Variants in MDGA2 observed in about 807,000 individuals in gnomAD.
MDGA2 encodes the protein MAM domain-containing glycosylphosphatidylinositol anchor protein 2.
A neutral mutation model predicts 117.8 loss-of-function variants in MDGA2; 40 were observed. The ratio of observed to expected loss-of-function variants is 0.34; its 90% confidence interval spans 0.26 to 0.44. The LOEUF is 0.44. Ranked by LOEUF, MDGA2 falls within the 20% of genes least tolerant of loss-of-function variation. The probability of loss-of-function intolerance (pLI) is 1.00; values close to 1 mark genes in which losing one functional copy is unlikely to be tolerated. For synonymous variants in MDGA2, 452 were observed against 439.0 expected, an observed-to-expected ratio of 1.03 and a Z score of -0.37; for missense variants, 1,123 against 1,250.6, an observed-to-expected ratio of 0.90 and a Z score of 1.54.
At chr14:47,213,686 T>C (rs1885969136) in intron 3 of MDGA2, among the ~76,000 whole-genome samples, 1 of 152,204 alleles carries the variant, frequency 6.6e-6, no homozygotes, top group Non-Finnish European at 1.5e-5. Context: ...GTAAGAGCTA[T>C]TTTATATTCT....
rs560702455 is a variant in MDGA2, at chr14:47,118,984, T to C, written c.925+12730A>G. Among the ~76,000 whole-genome samples, 19 of 151,952 alleles carry C rather than the reference T, an allele frequency of 1.3e-4. No individual in the cohort carries two copies. In the South Asian group the frequency reaches 4.0e-3, roughly 32 times the overall value. ...AACTCCCAGCCTTGAGCAATCCTCC[T>C]GCCTCTGCCTCCCAAAGCAGAGACT... On this transcript the variant is annotated intron_variant, in intron 5 of 16. Transcript: ENST00000399232.
intron 5 of MDGA2, among the ~76,000 whole-genome samples, chr14:47,112,243 G>A (rs535899339): frequency 6.6e-6 from 1 of 152,154 alleles, no homozygotes; most frequent in South Asian, 2.1e-4. Context: ...TTTAAAAAAT[G>A]TGTTATTTTA....
At chr14:47,283,599 A>T (rs1888573180) in intron 2 of MDGA2, among the ~76,000 whole-genome samples, 1 of 152,196 alleles carries the variant, frequency 6.6e-6, no homozygotes, top group Non-Finnish European at 1.5e-5. Context: ...CAAAGAGAGA[A>T]ACAATTATGC....
intron 8 of MDGA2, among the ~76,000 whole-genome samples, chr14:47,010,185 G>C (rs970216283): frequency 2.6e-5 from 4 of 151,968 alleles, no homozygotes; most frequent in Non-Finnish European, 5.9e-5. Context: ...ATTGTGTAAG[G>C]ATAGAAATTA....
intron 1 of MDGA2, among the ~76,000 whole-genome samples, chr14:47,482,524 A>G (rs1893975464): frequency 6.6e-6 from 1 of 152,120 alleles, no homozygotes; most frequent in African/African-American, 2.4e-5. Flanking sequence ...ACTAGAGTTC[A>G]TTCTGACTCT....
intron 1 of MDGA2, among the ~76,000 whole-genome samples, chr14:47,471,704 G>C (rs1265473844): frequency 6.6e-6 from 1 of 151,884 alleles, no homozygotes; most frequent in East Asian, 1.9e-4. Flanking sequence ...CCTCTTAGTG[G>C]CATATTTACT....
chr14:47,347,939 G>A (rs772896725), intron 1 of MDGA2, among the ~76,000 whole-genome samples: 2 of 152,124 alleles, frequency 1.3e-5, no homozygotes, highest in Non-Finnish European at 2.9e-5. Flanking sequence ...AAAAGGTCAA[G>A]CAAAATCAGA....
At chr14:47,224,503 C>T (rs767942567) in intron 2 of MDGA2, among the ~76,000 whole-genome samples, 2 of 152,110 alleles carry the variant, frequency 1.3e-5, no homozygotes, top group Middle Eastern at 3.2e-3. Context: ...TTCTAGGTTG[C>T]CCCATTTAAT....
intron 1 of MDGA2, among the ~76,000 whole-genome samples, chr14:47,540,563 T>TATATATATATATATATACACAC (rs370481455): frequency 4.2e-4 from 47 of 112,490 alleles, no homozygotes; most frequent in Admixed American, 1.2e-3. Context: ...TGTATATATA[T>TATATATATATATATATACACAC]ACACACACAC....
chr14:47,455,710 T>C (rs1178314844), intron 1 of MDGA2, among the ~76,000 whole-genome samples: 2 of 151,984 alleles, frequency 1.3e-5, no homozygotes, highest in East Asian at 3.9e-4. Flanking sequence ...AGAGTATGAG[T>C]GAGAGGCTGC....
intron 1 of MDGA2, among the ~76,000 whole-genome samples, chr14:47,643,436 A>T (rs1470169516): frequency 6.6e-6 from 1 of 152,080 alleles, no homozygotes; most frequent in Non-Finnish European, 1.5e-5. Context: ...CAGATTTGCT[A>T]TATGGAAATT....
chr14:46,920,330 T>G (rs1884077917), intron 9 of MDGA2, among the ~76,000 whole-genome samples, 170 bp from the exon 10 acceptor site: 1 of 152,234 alleles, frequency 6.6e-6, no homozygotes. Flanking sequence ...CCTGGTTGAT[T>G]GGATGGGCAG....
At chr14:47,337,268 T>A (rs1890487470) in intron 1 of MDGA2, among the ~76,000 whole-genome samples, 1 of 152,046 alleles carries the variant, frequency 6.6e-6, no homozygotes, top group African/African-American at 2.4e-5. Context: ...TTCTATATGT[T>A]CAAAATTGTT....
chr14:47,630,879 G>A (rs988701271), intron 1 of MDGA2, among the ~76,000 whole-genome samples: 11 of 152,326 alleles, frequency 7.2e-5, no homozygotes, highest in African/African-American at 2.6e-4. Flanking sequence ...ATATTCCAGA[G>A]AGTATGGTAG....
intron 1 of MDGA2, among the ~76,000 whole-genome samples, chr14:47,640,891 G>A (rs1258287745): frequency 6.6e-6 from 1 of 152,078 alleles, no homozygotes; most frequent in African/African-American, 2.4e-5. Flanking sequence ...AAAGGCAGGA[G>A]CACTTGTTTC....
chr14:46,987,896 C>T (rs190824018), intron 8 of MDGA2, among the ~76,000 whole-genome samples: 246 of 148,072 alleles, frequency 1.7e-3, no homozygotes, highest in Non-Finnish European at 3.0e-3. Flanking sequence ...ACTATATATG[C>T]CAAAAAGTGT....
At chr14:46,857,550 G>C (rs1484055195) in intron 14 of MDGA2, among the ~76,000 whole-genome samples, 1 of 151,694 alleles carries the variant, frequency 6.6e-6, no homozygotes, top group Non-Finnish European at 1.5e-5. Flanking sequence ...GTAGTTGATT[G>C]TGATGAATGT....
chr14:46,857,230 A>T (rs1881303736), intron 14 of MDGA2, among the ~76,000 whole-genome samples: 1 of 152,176 alleles, frequency 6.6e-6, no homozygotes, highest in Admixed American at 6.5e-5. Context: ...TTACATTTCT[A>T]CCTGTAGATA....
chr14:47,653,707 A>C (rs919688145), intron 1 of MDGA2, among the ~76,000 whole-genome samples: 5 of 152,172 alleles, frequency 3.3e-5, no homozygotes, highest in Non-Finnish European at 5.9e-5. Context: ...CTGAATTATC[A>C]GGGTGGGTCC....
Sources: allele counts gnomAD v4.1 joint callset (sites outside exome capture counted in the v4.1 genomes callset), GRCh38; gene constraint gnomAD v4.1.1; transcripts MANE v1.5; gene names NCBI Gene and HGNC (gene_info 2026-07-23, HGNC 2026-07-21).